ESR1: variants seen among roughly 807,000 people sequenced by gnomAD.
The protein encoded by ESR1 is estrogen receptor 1.
ESR1 carries 12 observed loss-of-function variants against 52.7 expected under a neutral mutation model. The ratio of observed to expected loss-of-function variants is 0.23; its 90% CI spans 0.15 to 0.37. The LOEUF is 0.37. Among genes scored for constraint, ESR1 ranks in the 10% least tolerant of loss-of-function variants. The probability of loss-of-function intolerance (pLI) is 1.00; values close to 1 mark genes in which losing one functional copy is unlikely to be tolerated. For missense variants in ESR1, 584 were observed against 779.7 expected (o/e 0.75, Z 2.99); for synonymous variants, 305 against 316.8 (o/e 0.96, Z 0.39).
intron 4 of ESR1, among the ~76,000 whole-genome samples, chr6:151,996,007 G>C (rs754298408): frequency 6.6e-6 from 1 of 152,086 alleles, no homozygotes; most frequent in Non-Finnish European, 1.5e-5. Flanking sequence ...GGCCCTGCTG[G>C]GTTCAGGCCA....
At chr6:152,038,647 T>A (rs114369360) in intron 5 of ESR1, among the ~76,000 whole-genome samples, 1,802 of 152,084 alleles carry the variant, frequency 0.012, 36 homozygotes, top group African/African-American at 0.038. Flanking sequence ...TTTTTTTTTT[T>A]AAAAGATGGA....
chr6:152,120,483 G>T (rs148097794), intron 6 of ESR1, among the ~76,000 whole-genome samples: 190 of 152,276 alleles, frequency 1.2e-3, no homozygotes, highest in African/African-American at 4.3e-3. Context: ...GAACACGATG[G>T]GTTCATGGGC....
chr6:152,005,629 C>T (rs1390716998), intron 4 of ESR1, among the ~76,000 whole-genome samples: 1 of 152,046 alleles, frequency 6.6e-6, no homozygotes, highest in African/African-American at 2.4e-5. Flanking sequence ...CTTTCTGGGA[C>T]ATCTGCTAAC....
intron 1 of ESR1, among the ~76,000 whole-genome samples, chr6:151,821,461 A>G (rs1780543549): frequency 6.6e-6 from 1 of 151,950 alleles, no homozygotes. Context: ...TAGATTATTT[A>G]CTCTTAATTT....
At chr6:151,801,002 T>G (rs1777181474), upstream of ESR1, among the ~76,000 whole-genome samples, 1 of 151,806 alleles carries the variant, frequency 6.6e-6, no homozygotes, top group African/African-American at 2.4e-5. Context: ...AAAAAAATCA[T>G]TTGGCTAGGC....
At chr6:151,794,783 G>C (rs1053116728) in intron 2 of ESR1, among the ~76,000 whole-genome samples, 1 of 151,960 alleles carries the variant, frequency 6.6e-6, no homozygotes, top group Non-Finnish European at 1.5e-5. Context: ...CCACACCTAA[G>C]GTGCCAACAT....
rs185376610 is a variant in ESR1 at position 151,919,235 on chromosome 6, G to A, written c.761-24938G>A. Among the ~76,000 whole-genome samples, 3 of 152,224 alleles carry A rather than the reference G, an allele frequency of 2.0e-5. No individual in the cohort carries two copies. In the East Asian group the frequency reaches 5.8e-4, roughly 29 times the overall value. On this transcript the variant is annotated intron_variant, in intron 3 of 7. Coordinates refer to ENST00000206249, the MANE Select transcript of ESR1 (RefSeq NM_000125.4). ...ATTGAATGGTCTTTGACATTTTATTGTGATTGTTTTAGTTATTTAATTGGA... is the reference window on the plus strand; with the variant it reads ...ATTGAATGGTCTTTGACATTTTATTATGATTGTTTTAGTTATTTAATTGGA...
At chr6:151,828,998 C>T (rs566722710) in intron 1 of ESR1, among the ~76,000 whole-genome samples, 2 of 152,308 alleles carry the variant, frequency 1.3e-5, no homozygotes, top group Admixed American at 6.5e-5. Flanking sequence ...TTTTAACTTT[C>T]GCATCAAAGA....
intron 4 of ESR1, among the ~76,000 whole-genome samples, chr6:151,964,611 GCAAA>G (rs1353937708): frequency 6.6e-6 from 1 of 150,756 alleles, no homozygotes; most frequent in Non-Finnish European, 1.5e-5. Context: ...GATGTCATCA[GCAAA>G]CAGAGACAAT....
In ESR1 at chr6:152,050,251, T is replaced by A. The variant is rs140682606; in HGVS notation, c.1236-10740T>A. On this transcript the variant is annotated intron_variant, in intron 5 of 7. Coordinates refer to ENST00000206249, the MANE Select transcript of ESR1 (RefSeq NM_000125.4). ...GAACTTTACATTTCTAAACTGCTGC[T>A]AAATTGCTCCATGCATTTATTCCTC... 1.6e-3 allele frequency among the ~76,000 whole-genome samples: 245 copies of A among 152,340 alleles called. 1 individual carries two copies. The highest frequency in any genetic ancestry group is 3.0e-3 in the Non-Finnish European group (202 of 68,042).
intron 4 of ESR1, among the ~76,000 whole-genome samples, chr6:151,982,634 G>A (rs1050281626): frequency 8.6e-5 from 13 of 151,596 alleles, no homozygotes; most frequent in South Asian, 6.2e-4. Context: ...ATAGGCGCCC[G>A]CCACCACACC....
chr6:152,041,776 A>G (rs1394853703), intron 5 of ESR1, among the ~76,000 whole-genome samples: 1 of 152,240 alleles, frequency 6.6e-6, no homozygotes, highest in Non-Finnish European at 1.5e-5. Flanking sequence ...GAGGTAGGAC[A>G]GTAAAGGTAT....
At chr6:151,787,492 C>T (rs1253194003) in intron 2 of ESR1, among the ~76,000 whole-genome samples, 4 of 151,836 alleles carry the variant, frequency 2.6e-5, no homozygotes, top group African/African-American at 9.7e-5. Context: ...AATGTTTTTT[C>T]CATTTGTTTG....
At chr6:151,708,883 A>G (rs935901694) in intron 2 of ESR1, among the ~76,000 whole-genome samples, 2 of 152,208 alleles carry the variant, frequency 1.3e-5, no homozygotes, top group African/African-American at 2.4e-5. Flanking sequence ...TGATATATCA[A>G]TATCGAGATA....
intron 2 of ESR1, among the ~76,000 whole-genome samples, chr6:151,720,072 A>C (rs947271182): frequency 6.6e-6 from 1 of 152,226 alleles, no homozygotes; most frequent in Non-Finnish European, 1.5e-5. Flanking sequence ...ATGAAATGTT[A>C]TGATCTGGGT....
At chr6:151,715,800 G>T (rs2128006938) in intron 2 of ESR1, among the ~76,000 whole-genome samples, 1 of 152,192 alleles carries the variant, frequency 6.6e-6, no homozygotes, top group Admixed American at 6.5e-5. Context: ...GCTCAGAGGA[G>T]TTTGTTATTA....
intron 2 of ESR1, among the ~76,000 whole-genome samples, chr6:151,791,149 C>T (rs1776111318): frequency 6.6e-6 from 1 of 152,128 alleles, no homozygotes. Flanking sequence ...TTGACTTTAT[C>T]AGCTGTGTGG....
intron 1 of ESR1, among the ~76,000 whole-genome samples, chr6:151,819,636 G>A (rs1216849979): frequency 6.6e-6 from 1 of 152,150 alleles, no homozygotes; most frequent in African/African-American, 2.4e-5. Context: ...CTAGTTGCAG[G>A]AAAACAAGTT....
upstream of ESR1, among the ~76,000 whole-genome samples, chr6:151,689,449 C>A (rs1778815755): frequency 6.6e-6 from 1 of 152,186 alleles, no homozygotes; most frequent in African/African-American, 2.4e-5. Context: ...ATGTGTCCTG[C>A]TCTATGTATT....
Sources: gnomAD v4.1 joint callset for allele counts (sites outside exome capture counted in the v4.1 genomes callset) on GRCh38, gnomAD v4.1.1 for gene constraint, MANE v1.5 for transcripts, NCBI Gene and HGNC (gene_info 2026-07-23, HGNC 2026-07-21) for gene names.